The following ERCC1 variants were observed in gnomAD, a reference collection of about 807,000 sequenced individuals.
ERCC1 encodes ERCC excision repair 1, endonuclease non-catalytic subunit.
ERCC1 carries 36 observed loss-of-function variants against 37.6 expected under a neutral mutation model. The ratio of observed to expected loss-of-function variants is 0.96; its 90% CI spans 0.73 to 1.26. The LOEUF is 1.26. Among genes scored for constraint, ERCC1 ranks in the 50% most tolerant of loss-of-function variants. ERCC1 has a pLI of 0.00. For synonymous variants in ERCC1, 156 were observed against 162.1 expected (o/e 0.96, Z 0.28); for missense variants, 349 against 376.5 (o/e 0.93, Z 0.60).
chr19:45,442,711 CAG>C (rs1331380554), intron 1 of ERCC1, among the ~76,000 whole-genome samples: 1 of 152,050 alleles, frequency 6.6e-6, no homozygotes, highest in Non-Finnish European at 1.5e-5. Context: ...GGGAGGGTGA[CAG>C]GGGTGGGGAG....
chr19:45,421,421 G>GACTGCAA, intron 2 of ERCC1, 28 bp from the exon 3 acceptor site: 6 of 1,553,656 alleles, frequency 3.9e-6, no homozygotes, highest in Non-Finnish European at 4.4e-6. Flanking sequence ...GTTTGCAGGG[G>GACTGCAA]ACTGGTTGGG....
In ERCC1 at chr19:45,420,513, T is replaced by G. The variant is rs1974350506; in HGVS notation, c.322-86A>C. On this transcript the variant is annotated intron_variant, in intron 3 of 9. Transcript: ENST00000300853. This position sits in a 1 kb window ranked among gnomAD's most constrained non-coding sequence, Gnocchi z 4.8. ...CTCCTCCACCTCTTCTTGCACCTCC[T>G]CCCTCCTCCCACCTCTTCCCACACC... The G allele has an allele frequency of 1.2e-6, 1 of 812,332 alleles. No individual in the cohort carries two copies. The highest frequency in any genetic ancestry group is 1.7e-5 in the African/African-American group (1 of 58,368). 50.3% of individuals were successfully genotyped at this position (812,332 alleles called of 1,614,324 possible).
At chr19:45,430,112 G>A (rs893270416) in intron 1 of ERCC1, among the ~76,000 whole-genome samples, 4 of 152,150 alleles carry the variant, frequency 2.6e-5, no homozygotes, top group Non-Finnish European at 5.9e-5. Context: ...AAAACTCCGT[G>A]ACCCACTGAA....
chr19:45,445,073 A>G (rs1599867003), intron 1 of ERCC1, among the ~76,000 whole-genome samples: 1 of 152,008 alleles, frequency 6.6e-6, no homozygotes, highest in South Asian at 2.1e-4. Context: ...CTGGAGTGCA[A>G]TGGTACCATC....
At position 45,416,846 on chromosome 19, in the gene ERCC1, C is replaced by A; in HGVS notation, c.577G>T (p.Asp193Tyr). Residue 193 changes from aspartate to tyrosine, a missense_variant, in exon 6 of 10, where the codon GAC (aspartate) becomes TAC (tyrosine). Physicochemically the swap from Asp to Tyr is radical, Grantham distance 160. Transcript: ENST00000300853. ...CTCCAGGCGAGGATCAATGTGCAGT[C>A]GGCCAGGATACACATCTTAGCCAGC... ...KELAKMCILA[D>Y]CTLILAWSPE... is the part of the protein sequence containing the mutation. 1 of 1,613,630 alleles carries A rather than the reference C, an allele frequency of 6.2e-7. No homozygotes were observed. The highest frequency in any genetic ancestry group is 2.2e-5 in the East Asian group (1 of 44,852).
chr19:45,430,385 C>T (rs1300688941), intron 1 of ERCC1, among the ~76,000 whole-genome samples: 2 of 152,100 alleles, frequency 1.3e-5, no homozygotes, highest in Admixed American at 1.3e-4. Context: ...CACCGCCATC[C>T]CTATGTTAGA....
chr19:45,432,103 C>T (rs1331048498), intron 1 of ERCC1, among the ~76,000 whole-genome samples: 1 of 151,984 alleles, frequency 6.6e-6, no homozygotes, highest in African/African-American at 2.4e-5. Context: ...TCCCGAGTAG[C>T]TGGGACTACA....
chr19:45,423,964 C>T (rs1599845492), upstream of ERCC1: 2 of 1,074,310 alleles, frequency 1.9e-6, no homozygotes, highest in Non-Finnish European at 1.1e-6. Context: ...TAGAGCAGGG[C>T]GATCTCTGTA....
chr19:45,441,982 C>CT (rs1208165956), intron 1 of ERCC1, among the ~76,000 whole-genome samples: 1 of 149,718 alleles, frequency 6.7e-6, no homozygotes, highest in Non-Finnish European at 1.5e-5. Context: ...GTGCACAGCA[C>CT]TTTTTTTTTA....
chr19:45,423,869 C>A lies in ERCC1; in HGVS notation c.-96G>T. On this transcript the variant is annotated 5_prime_UTR_variant, in exon 1 of 10. Coordinates refer to ENST00000300853, the MANE Select transcript of ERCC1 (RefSeq NM_001983.4). ...GGGAAAGACTGCAGAGGGATCGAGG[C>A]GGCCCACTGCCAGCACGGCCAGCGT... 9.0e-7 allele frequency: 1 copy of A among 1,106,226 alleles called. No individual in the cohort carries two copies. Among genetic ancestry groups the A allele is most frequent in the Non-Finnish European group, 1.1e-6 (1 of 901,560 alleles). The allele number at this position is 1,106,226 out of a possible 1,614,324, so 68.5% of individuals were successfully genotyped here. A position where few individuals can be genotyped will look rare whatever the true frequency, so the allele number is the denominator to read the frequency against.
At position 45,408,215 on chromosome 19, in the gene ERCC1, C is replaced by T. The variant is rs774092679; in HGVS notation, c.*1460G>A. 2 of 1,614,170 alleles carry T rather than the reference C, an allele frequency of 1.2e-6. No homozygotes were observed. The highest frequency in any genetic ancestry group is 1.7e-6 in the Non-Finnish European group (2 of 1,180,002). On this transcript the variant is annotated 3_prime_UTR_variant, in exon 10 of 10. Coordinates refer to ENST00000300853, the MANE Select transcript of ERCC1 (RefSeq NM_001983.4). ...AGGCAAGCGGCACCGCTATCGAGTC[C>T]TCAGCAGCTGTCCCCAAGCTGGAGA...
chr19:45,425,976 G>A (rs1974680614), upstream of ERCC1, among the ~76,000 whole-genome samples: 1 of 151,106 alleles, frequency 6.6e-6, no homozygotes, highest in South Asian at 2.1e-4. Context: ...GGGCATGGTG[G>A]CTAATGTCTG....
chr19:45,408,306 G>T lies in ERCC1; in HGVS notation c.*1369C>A, dbSNP rs370128975. On this transcript the variant is annotated 3_prime_UTR_variant, in exon 10 of 10. Coordinates refer to ENST00000300853, the MANE Select transcript of ERCC1 (RefSeq NM_001983.4). ...CTCACCTGTGCCTCAGCCCCCCAGG[G>T]CACCCTAAGGATCCTTGAGGGTCCC... 3.1e-6 allele frequency: 5 copies of T among 1,612,702 alleles called. No homozygotes were observed. Among genetic ancestry groups the T allele is most frequent in the African/African-American group, 1.3e-5 (1 of 74,906 alleles).
upstream of ERCC1, among the ~76,000 whole-genome samples, chr19:45,427,382 A>G (rs1974721009): frequency 6.6e-6 from 1 of 152,052 alleles, no homozygotes; most frequent in African/African-American, 2.4e-5. Context: ...GGCCGATGGA[A>G]GGTGGATCAC....
chr19:45,416,646 A>G, intron 6 of ERCC1, 175 bp downstream of exon 6: 1 of 611,728 alleles, frequency 1.6e-6, no homozygotes, highest in East Asian at 2.8e-5. Flanking sequence ...TCAAAAAAAA[A>G]AAAAAAAAAA....
At chr19:45,423,127 T>C (rs1599843370) in intron 2 of ERCC1, 143 bp downstream of exon 2, 1 of 754,620 alleles carries the variant, frequency 1.3e-6, no homozygotes, top group Non-Finnish European at 2.2e-6. Context: ...AACTGGGACC[T>C]GGGGAGGACC....
At chr19:45,424,922 CTTTTT>C (rs986137310), upstream of ERCC1, among the ~76,000 whole-genome samples, 1 of 121,898 alleles carries the variant, frequency 8.2e-6, no homozygotes, top group African/African-American at 3.2e-5. Flanking sequence ...TCTTTTTTTT[CTTTTT>C]TTTTTTTTTT....
In ERCC1 at chr19:45,420,510, T is replaced by A. The variant is rs771635849; in HGVS notation, c.322-83A>T. 3.9e-5 allele frequency: 32 copies of A among 811,756 alleles called. No homozygotes were observed. The highest frequency in any genetic ancestry group is 6.1e-5 in the Non-Finnish European group (29 of 475,302). The allele number at this position is 811,756 out of a possible 1,614,324, so 50.3% of individuals were successfully genotyped here. A position where few individuals can be genotyped will look rare whatever the true frequency, so the allele number is the denominator to read the frequency against. On this transcript the variant is annotated intron_variant, in intron 3 of 9. Transcript: ENST00000300853. The surrounding 1 kb of genome is among the most constrained non-coding windows in gnomAD (Gnocchi z 4.8). ...GCCCTCCTCCACCTCTTCTTGCACC[T>A]CCTCCCTCCTCCCACCTCTTCCCAC...
intron 1 of ERCC1, among the ~76,000 whole-genome samples, chr19:45,443,814 C>T (rs1975184159): frequency 6.6e-6 from 1 of 151,942 alleles, no homozygotes; most frequent in African/African-American, 2.4e-5. Flanking sequence ...GGGATCCTAT[C>T]TCCTCCCAAC....
Sources: allele counts gnomAD v4.1 joint callset (sites outside exome capture counted in the v4.1 genomes callset), GRCh38; gene constraint gnomAD v4.1.1; non-coding constraint Gnocchi (gnomAD v3.1); transcripts MANE v1.5; gene names NCBI Gene and HGNC (gene_info 2026-07-23, HGNC 2026-07-21).